Variants in ROR2 observed in about 807,000 individuals in gnomAD.
ROR2 encodes the protein tyrosine-protein kinase transmembrane receptor ROR2.
In ROR2, 33 loss-of-function variants were observed where a neutral mutation model predicts 74.9. The ratio of observed to expected loss-of-function variants is 0.44; its 90% CI spans 0.33 to 0.59. The LOEUF (loss-of-function observed/expected upper bound fraction) is 0.59. Among genes scored for constraint, ROR2 ranks in the 20% least tolerant of loss-of-function variants. The probability of loss-of-function intolerance (pLI) is 0.02; values close to 1 mark genes in which losing one functional copy is unlikely to be tolerated. For missense variants in ROR2, 1,216 were observed against 1,313.8 expected (o/e 0.93, Z 1.15); for synonymous variants, 586 against 558.7 (o/e 1.05, Z -0.69).
intron 1 of ROR2, among the ~76,000 whole-genome samples, chr9:91,926,414 C>T (rs1197739511): frequency 1.3e-5 from 2 of 150,256 alleles, no homozygotes; most frequent in East Asian, 2.0e-4. Flanking sequence ...GGCGTGGTGG[C>T]ACATGCCTAT....
At chr9:91,826,303 A>G (rs924945686) in intron 1 of ROR2, among the ~76,000 whole-genome samples, 12 of 152,178 alleles carry the variant, frequency 7.9e-5, no homozygotes, top group Non-Finnish European at 7.3e-5. Context: ...ATACCCAGGT[A>G]TATCTCCACA....
At chr9:91,878,878 C>A (rs1298440440) in intron 1 of ROR2, among the ~76,000 whole-genome samples, 1 of 152,060 alleles carries the variant, frequency 6.6e-6, no homozygotes, top group Non-Finnish European at 1.5e-5. Flanking sequence ...GAGATTGAGA[C>A]CATCCTGGCT....
chr9:91,806,387 G>C (rs929038484), intron 1 of ROR2, among the ~76,000 whole-genome samples: 7 of 152,030 alleles, frequency 4.6e-5, no homozygotes, highest in African/African-American at 1.7e-4. Flanking sequence ...CTAATCTCAC[G>C]TATGAGGGTT....
At chr9:91,930,755 G>A (rs1025222770) in intron 1 of ROR2, among the ~76,000 whole-genome samples, 13 of 152,200 alleles carry the variant, frequency 8.5e-5, no homozygotes, top group Non-Finnish European at 1.8e-4. Flanking sequence ...TATAAGCGGT[G>A]TTCCTGAAAA....
At chr9:91,947,491 C>T (rs534972184) in intron 1 of ROR2, among the ~76,000 whole-genome samples, 8 of 152,326 alleles carry the variant, frequency 5.3e-5, no homozygotes, top group African/African-American at 1.7e-4. Context: ...ACAAAGTCTT[C>T]TTATTCAAGA....
At chr9:91,925,263 A>G (rs951312688) in intron 1 of ROR2, among the ~76,000 whole-genome samples, 2 of 152,140 alleles carry the variant, frequency 1.3e-5, no homozygotes, top group Admixed American at 6.5e-5. Flanking sequence ...GGACACCCTC[A>G]TGACACCAAC....
At chr9:91,821,017 C>T (rs1828123558) in intron 1 of ROR2, among the ~76,000 whole-genome samples, 1 of 151,746 alleles carries the variant, frequency 6.6e-6, no homozygotes, top group South Asian at 2.1e-4. Context: ...AGGAGAATTG[C>T]TTGAACCCAG....
At chr9:91,922,977 G>C (rs1190705616) in intron 1 of ROR2, among the ~76,000 whole-genome samples, 1 of 151,774 alleles carries the variant, frequency 6.6e-6, no homozygotes, top group Admixed American at 6.6e-5. Context: ...TGCTGGGCAT[G>C]ACCTCCCCAC....
chr9:91,864,944 C>T (rs761096060), intron 1 of ROR2, among the ~76,000 whole-genome samples: 2 of 152,228 alleles, frequency 1.3e-5, no homozygotes, highest in African/African-American at 2.4e-5. Flanking sequence ...ATCACTTTAG[C>T]GGACGGGCTT....
At chr9:91,842,928 G>A (rs1054175344) in intron 1 of ROR2, among the ~76,000 whole-genome samples, 2 of 152,256 alleles carry the variant, frequency 1.3e-5, no homozygotes, top group Admixed American at 6.5e-5. Flanking sequence ...TGAAAACACA[G>A]ATGCTCCCAA....
rs545750670 is a variant in ROR2, at chr9:91,949,764, C to T, written c.97+103G>A. Reference sequence around the variant, plus strand: ...CTGCCTGGCGCCCCTCGTTCAGGAGCATGGGCGCCGGCGCAGCGGCCGGGA... The same window carrying T: ...CTGCCTGGCGCCCCTCGTTCAGGAGTATGGGCGCCGGCGCAGCGGCCGGGA... On this transcript the variant is annotated intron_variant, in intron 1 of 8. Coordinates refer to ENST00000375708, the MANE Select transcript of ROR2 (RefSeq NM_004560.4). 5.2e-6 allele frequency: 4 copies of T among 776,316 alleles called. No individual in the cohort carries two copies. In the Admixed American group the frequency reaches 6.1e-5, roughly 12 times the overall value. The allele number at this position is 776,316 out of a possible 1,614,324, so 48.1% of individuals were successfully genotyped here.
intron 1 of ROR2, among the ~76,000 whole-genome samples, chr9:91,782,750 T>C (rs1826667341): frequency 6.6e-6 from 1 of 152,154 alleles, no homozygotes; most frequent in African/African-American, 2.4e-5. Flanking sequence ...GGAATCCAGG[T>C]CCCAGGCCAT....
At chr9:91,820,097 C>A (rs1306043910) in intron 1 of ROR2, among the ~76,000 whole-genome samples, 2 of 152,218 alleles carry the variant, frequency 1.3e-5, no homozygotes, top group African/African-American at 4.8e-5. Flanking sequence ...AACACTACAG[C>A]TATCTTTGTA....
chr9:91,739,125 C>A (rs141569627), intron 4 of ROR2, among the ~76,000 whole-genome samples: 4 of 152,336 alleles, frequency 2.6e-5, no homozygotes, highest in African/African-American at 9.6e-5. Flanking sequence ...TCCAGAAAAT[C>A]TGGAACCTAC....
intron 1 of ROR2, among the ~76,000 whole-genome samples, chr9:91,791,967 C>T (rs10992110): frequency 0.078 from 11,919 of 152,026 alleles, 799 homozygotes; most frequent in East Asian, 0.29. Context: ...CACAAATATA[C>T]GAAAACTAAA....
At position 91,847,930 on chromosome 9, in the gene ROR2, C is replaced by T. The variant is rs568057594; in HGVS notation, c.98-72112G>A. On this transcript the variant is annotated intron_variant, in intron 1 of 8. Transcript: ENST00000375708. ...CTTCAGCAGAACTCCTGGCTAGCAGCTCTGCCTGGCAGTACAGAAACTGTC... is the reference window on the plus strand; with the variant it reads ...CTTCAGCAGAACTCCTGGCTAGCAGTTCTGCCTGGCAGTACAGAAACTGTC... Among the ~76,000 whole-genome samples, 7 of 152,316 alleles carry T rather than the reference C, an allele frequency of 4.6e-5. 1 individual carries two copies. Among genetic ancestry groups the T allele is most frequent in the African/African-American group, 1.7e-4 (7 of 41,576 alleles).
At chr9:91,867,377 G>T (rs1227876199) in intron 1 of ROR2, among the ~76,000 whole-genome samples, 1 of 152,196 alleles carries the variant, frequency 6.6e-6, no homozygotes, top group African/African-American at 2.4e-5. Context: ...AACCCTGAGA[G>T]ATAACTTAAT....
At chr9:91,841,746 G>A (rs994446391) in intron 1 of ROR2, among the ~76,000 whole-genome samples, 4 of 152,152 alleles carry the variant, frequency 2.6e-5, no homozygotes, top group Non-Finnish European at 2.9e-5. Flanking sequence ...AATCTTCAGT[G>A]CCCTCGGATG....
At chr9:91,732,661 G>A (rs1214996529) in intron 6 of ROR2, among the ~76,000 whole-genome samples, 1 of 152,234 alleles carries the variant, frequency 6.6e-6, no homozygotes, top group Non-Finnish European at 1.5e-5. Context: ...TCTGGGGACT[G>A]ATCCTCCAGG....
Sources: allele counts gnomAD v4.1 joint callset (sites outside exome capture counted in the v4.1 genomes callset), GRCh38; gene constraint gnomAD v4.1.1; transcripts MANE v1.5; gene names NCBI Gene and HGNC (gene_info 2026-07-23, HGNC 2026-07-21).